The following MEIG1 variants were observed in gnomAD, a reference collection of about 807,000 sequenced individuals.
MEIG1 encodes the protein meiosis/spermiogenesis associated 1, also known as meiosis expressed gene 1 protein homolog.
Under a neutral mutation model 11.3 loss-of-function variants are expected in MEIG1, and 12 were observed. That is an observed-to-expected ratio of 1.07 (90% CI 0.68 to 1.73). The LOEUF (loss-of-function observed/expected upper bound fraction) is 1.73, where lower values mean the gene tolerates loss of function less well. MEIG1 is among the 40% of genes most tolerant of loss of function. The pLI is 0.00. For missense variants in MEIG1, 119 were observed against 104.9 expected, an observed-to-expected ratio of 1.13 and a Z score of -0.59; for synonymous variants, 41 against 33.2, an observed-to-expected ratio of 1.24 and a Z score of -0.81.
chr10:14,981,047 A>T (rs952677371), intron 1 of MEIG1, among the ~76,000 whole-genome samples: 1 of 152,130 alleles, frequency 6.6e-6, no homozygotes, highest in African/African-American at 2.4e-5. Flanking sequence ...ATGGCGAATG[A>T]CAAGGAAGTA....
upstream of MEIG1, among the ~76,000 whole-genome samples, chr10:14,958,006 G>T (rs1427154101): frequency 6.6e-6 from 1 of 152,176 alleles, no homozygotes; most frequent in African/African-American, 2.4e-5. Flanking sequence ...TACAGAGGGG[G>T]CATAGAGAGC....
chr10:14,962,611 T>C (rs1021136512), intron 1 of MEIG1, among the ~76,000 whole-genome samples: 1 of 152,114 alleles, frequency 6.6e-6, no homozygotes, highest in Admixed American at 6.6e-5. Context: ...GAAAATACGT[T>C]TCGAATGAAT....
In MEIG1 at chr10:14,966,378, A is replaced by G. The variant is rs900223845; in HGVS notation, c.-29-62A>G. ...CACCCGGCCAGTTTTGTTTATTCTT[A>G]AAGGGAATTTCAAAATTGTCACTAT... On this transcript the variant is annotated intron_variant, in intron 1 of 2. Transcript: ENST00000407572. 6 of 1,254,808 alleles carry G rather than the reference A, an allele frequency of 4.8e-6. No homozygotes were observed. The African/African-American group carries it at 9.4e-5, about 20-fold the overall frequency. 77.7% of individuals were successfully genotyped at this position (1,254,808 alleles called of 1,614,324 possible).
chr10:14,958,660 G>A (rs2131255583), upstream of MEIG1, among the ~76,000 whole-genome samples: 1 of 152,308 alleles, frequency 6.6e-6, no homozygotes, highest in East Asian at 1.9e-4. Context: ...TCTTTGGGAG[G>A]CCGAGGCGGG....
chr10:14,977,660 AC>A (rs1178473657), downstream of MEIG1, among the ~76,000 whole-genome samples: 7 of 151,834 alleles, frequency 4.6e-5, no homozygotes, highest in East Asian at 1.4e-3. Context: ...CAGTGGGTGT[AC>A]CCCATGTGGG....
intron 1 of MEIG1, among the ~76,000 whole-genome samples, chr10:14,962,871 T>A (rs1394494831): frequency 6.6e-6 from 1 of 151,858 alleles, no homozygotes; most frequent in Non-Finnish European, 1.5e-5. Flanking sequence ...TTCAAGCAGT[T>A]CTCTGCCTCA....
intron 1 of MEIG1, among the ~76,000 whole-genome samples, chr10:14,984,884 C>A (rs1287101080): frequency 2.0e-5 from 3 of 151,630 alleles, no homozygotes; most frequent in African/African-American, 7.3e-5. Flanking sequence ...GTCCTGTACA[C>A]GCTTCAATAT....
chr10:14,972,847 C>T lies in MEIG1; in HGVS notation c.*206C>T, dbSNP rs1005136795. The T allele has an allele frequency of 4.6e-6, 2 of 431,850 alleles. No individual in the cohort carries two copies. Among genetic ancestry groups the T allele is most frequent in the Non-Finnish European group, 8.2e-6 (2 of 242,452 alleles). The allele number at this position is 431,850 out of a possible 1,614,324, so 26.8% of individuals were successfully genotyped here. A position where few individuals can be genotyped will look rare whatever the true frequency, so the allele number is the denominator to read the frequency against. On this transcript the variant is annotated 3_prime_UTR_variant, in exon 3 of 3. Transcript: ENST00000407572. ...TGCAGATGCATTAAAGTTGTACTTT[C>T]TTGGTCCTGCTCTTTTTGTCCATTT...
At chr10:14,961,590 C>G (rs1408655583) in intron 1 of MEIG1, among the ~76,000 whole-genome samples, 2 of 149,602 alleles carry the variant, frequency 1.3e-5, no homozygotes, top group Non-Finnish European at 3.0e-5. Flanking sequence ...CCTGCCTCAG[C>G]CTCCCGAAGT....
At chr10:14,967,512 T>C (rs1174769041) in intron 2 of MEIG1, among the ~76,000 whole-genome samples, 2 of 151,778 alleles carry the variant, frequency 1.3e-5, no homozygotes. Flanking sequence ...ATATTTTTTT[T>C]TTTTTTTTTT....
At chr10:14,980,191 G>C (rs1282724773) in intron 1 of MEIG1, among the ~76,000 whole-genome samples, 1 of 151,804 alleles carries the variant, frequency 6.6e-6, no homozygotes, top group African/African-American at 2.4e-5. Flanking sequence ...GCTATAATTC[G>C]GAGTATCCCA....
At chr10:14,976,363 C>A (rs1370910270), downstream of MEIG1, among the ~76,000 whole-genome samples, 1 of 152,118 alleles carries the variant, frequency 6.6e-6, no homozygotes. Context: ...AGTATCCTAG[C>A]GGGACATTAA....
At chr10:14,964,435 T>TA (rs1452568184) in intron 1 of MEIG1, among the ~76,000 whole-genome samples, 1 of 151,822 alleles carries the variant, frequency 6.6e-6, no homozygotes, top group African/African-American at 2.4e-5. Flanking sequence ...AAGATCCTTT[T>TA]AAATAAAACT....
In MEIG1 at chr10:14,964,585, G is replaced by GTGTGTATA. The variant is rs1378376059; in HGVS notation, c.-29-1854_-29-1853insGTGTATAT. Among the ~76,000 whole-genome samples, 174 of 92,986 alleles carry GTGTGTATA rather than the reference G, an allele frequency of 1.9e-3. 1 individual carries two copies. Among genetic ancestry groups the GTGTGTATA allele is most frequent in the African/African-American group, 6.5e-3 (164 of 25,294 alleles). The allele number at this position is 92,986 out of a possible 152,430, so 61.0% of individuals were successfully genotyped here. Reference sequence around the variant, plus strand: ...TAAGAGTGTGTGTGTGTGTGTGTGTGTATATATATATATATATATATATAC... The same window carrying GTGTGTATA: ...TAAGAGTGTGTGTGTGTGTGTGTGTGTGTGTATATATATATATATATATATATATATAC... On this transcript the variant is annotated intron_variant, in intron 1 of 2. Coordinates refer to ENST00000407572, the MANE Select transcript of MEIG1 (RefSeq NM_001080836.3).
upstream of MEIG1, among the ~76,000 whole-genome samples, chr10:14,955,748 C>A (rs1047541129): frequency 3.9e-5 from 6 of 152,140 alleles, no homozygotes; most frequent in South Asian, 6.2e-4. Flanking sequence ...TCAGCTTGTG[C>A]CTGTAGCCAT....
chr10:14,971,398 C>T (rs1355247984), intron 2 of MEIG1, among the ~76,000 whole-genome samples: 1 of 151,532 alleles, frequency 6.6e-6, no homozygotes, highest in Non-Finnish European at 1.5e-5. Flanking sequence ...GAAAACTTAT[C>T]TGGGCATGGT....
upstream of MEIG1, among the ~76,000 whole-genome samples, chr10:14,958,067 AG>A (rs1344930910): frequency 2.6e-5 from 4 of 152,222 alleles, no homozygotes; most frequent in African/African-American, 9.6e-5. Flanking sequence ...TGATGGCTTG[AG>A]TAGAAGCTAT....
chr10:14,961,659 T>TTTTTTTTTTTTTTTTTTTG (rs1843014965), intron 1 of MEIG1, among the ~76,000 whole-genome samples: 1 of 143,870 alleles, frequency 7.0e-6, no homozygotes, highest in Non-Finnish European at 1.5e-5. Flanking sequence ...TTTTTTTTTT[T>TTTTTTTTTTTTTTTTTTTG]AGTAGAGACA....
intron 1 of MEIG1, among the ~76,000 whole-genome samples, chr10:14,984,137 C>T (rs1270311249): frequency 1.3e-5 from 2 of 151,998 alleles, no homozygotes; most frequent in Non-Finnish European, 2.9e-5. Context: ...ACCGTCAACA[C>T]GCTGTGTGAC....
Sources: gnomAD v4.1 joint callset for allele counts (sites outside exome capture counted in the v4.1 genomes callset) on GRCh38, gnomAD v4.1.1 for gene constraint, MANE v1.5 for transcripts, NCBI Gene and HGNC (gene_info 2026-07-23, HGNC 2026-07-21) for gene names.